SYNPR: variants seen among roughly 807,000 people sequenced by gnomAD.
The protein encoded by SYNPR is synaptoporin.
In SYNPR, 23 loss-of-function variants were observed where a neutral mutation model predicts 32.9. The observed-to-expected ratio is 0.70, with a 90% confidence interval of 0.50 to 0.99. The LOEUF (loss-of-function observed/expected upper bound fraction) is 0.99, where lower values mean the gene tolerates loss of function less well. Among genes scored for constraint, SYNPR ranks in the 50% least tolerant of loss-of-function variants. The probability of loss-of-function intolerance (pLI) is 0.00; values close to 1 mark genes in which losing one functional copy is unlikely to be tolerated. For missense variants in SYNPR, 318 were observed against 349.3 expected (o/e 0.91, Z 0.71); for synonymous variants, 146 against 135.9 (o/e 1.07, Z -0.52).
intron 4 of SYNPR, 73 bp from the exon 5 acceptor site, chr3:63,609,052 A>G: frequency 6.7e-7 from 1 of 1,490,070 alleles, no homozygotes. Flanking sequence ...CCAAATAGTT[A>G]TATAAACAAA....
chr3:63,537,799 T>C (rs1470242516), intron 3 of SYNPR, among the ~76,000 whole-genome samples: 1 of 152,140 alleles, frequency 6.6e-6, no homozygotes, highest in Non-Finnish European at 1.5e-5. Flanking sequence ...ATGTGAGCTT[T>C]TAAGTCAGTC....
Position 63,407,891 on chromosome 3 carries a change from T to C in SYNPR, c.85-72941T>C, listed in dbSNP as rs540837402. On this transcript the variant is annotated intron_variant, in intron 2 of 5. Coordinates refer to ENST00000478300, the MANE Select transcript of SYNPR (RefSeq NM_001130003.2). ...CCTGTCTTCTGAAGATTACAGTACC[T>C]TGAGACATTTGAAAGGAATTGGAAT... Among the ~76,000 whole-genome samples the C allele has an allele frequency of 6.6e-4, 100 of 151,936 alleles. 1 individual carries two copies. Among genetic ancestry groups the C allele is most frequent in the Non-Finnish European group, 9.6e-4 (65 of 67,996 alleles).
rs546098907 is a variant in SYNPR at position 63,347,684 on chromosome 3, G to A, written c.84+68942G>A. Among the ~76,000 whole-genome samples, 9 of 152,058 alleles carry A rather than the reference G, an allele frequency of 5.9e-5. No individual in the cohort carries two copies. The South Asian group carries it at 1.0e-3, about 18-fold the overall frequency. Reference sequence around the variant, plus strand: ...TCTGTTATTCCACATTCTATGTCCCGGTGTACACATCATATAGTTTCCAAT... The same window carrying A: ...TCTGTTATTCCACATTCTATGTCCCAGTGTACACATCATATAGTTTCCAAT... On this transcript the variant is annotated intron_variant, in intron 2 of 5. Transcript: ENST00000478300.
At chr3:63,299,840 T>C (rs1371060556) in intron 2 of SYNPR, among the ~76,000 whole-genome samples, 1 of 152,182 alleles carries the variant, frequency 6.6e-6, no homozygotes, top group Non-Finnish European at 1.5e-5. Flanking sequence ...GATAGTAGTT[T>C]CACAATAATT....
intron 3 of SYNPR, among the ~76,000 whole-genome samples, chr3:63,532,442 T>C (rs1301047686): frequency 5.9e-5 from 9 of 152,222 alleles, no homozygotes; most frequent in Non-Finnish European, 1.3e-4. Flanking sequence ...ATTCAGAGCA[T>C]CCTTTCTCTG....
intron 2 of SYNPR, among the ~76,000 whole-genome samples, chr3:63,283,810 C>CT (rs142282438): frequency 0.075 from 6,558 of 87,282 alleles, 251 homozygotes; most frequent in African/African-American, 0.095. Flanking sequence ...AGATAATTAC[C>CT]TTTTTTTTTT....
intron 2 of SYNPR, among the ~76,000 whole-genome samples, chr3:63,473,771 G>A (rs1700847923): frequency 1.3e-5 from 2 of 152,162 alleles, no homozygotes; most frequent in Non-Finnish European, 2.9e-5. Context: ...CAGCATGAAG[G>A]TCCTACAGCT....
At chr3:63,570,389 A>G (rs999606780) in intron 4 of SYNPR, among the ~76,000 whole-genome samples, 1 of 152,188 alleles carries the variant, frequency 6.6e-6, no homozygotes, top group Non-Finnish European at 1.5e-5. Flanking sequence ...CTCTCCTCAC[A>G]TCAGCATTCA....
chr3:63,352,312 A>G (rs997097530), intron 2 of SYNPR, among the ~76,000 whole-genome samples: 1 of 152,156 alleles, frequency 6.6e-6, no homozygotes. Flanking sequence ...CTCGAAGTGA[A>G]TAAAAGAATC....
chr3:63,262,918 G>A (rs1469517319), intron 2 of SYNPR, among the ~76,000 whole-genome samples: 4 of 152,156 alleles, frequency 2.6e-5, no homozygotes. Context: ...TTTTCTCTGG[G>A]TCTCCATTTG....
intron 2 of SYNPR, among the ~76,000 whole-genome samples, chr3:63,457,750 A>G (rs774549247): frequency 6.6e-6 from 1 of 152,124 alleles, no homozygotes; most frequent in Non-Finnish European, 1.5e-5. Context: ...AGCTCAAACC[A>G]TATTGTAGAC....
intron 4 of SYNPR, among the ~76,000 whole-genome samples, chr3:63,557,871 A>G (rs1179506046): frequency 6.6e-6 from 1 of 152,270 alleles, no homozygotes; most frequent in Non-Finnish European, 1.5e-5. Context: ...AAAAAAGTAT[A>G]TATTAACTGC....
chr3:63,594,317 A>G (rs1699895606), intron 4 of SYNPR, among the ~76,000 whole-genome samples: 1 of 152,166 alleles, frequency 6.6e-6, no homozygotes, highest in Non-Finnish European at 1.5e-5. Context: ...ATCTTTCTGA[A>G]TTTTGACTTT....
intron 1 of SYNPR, among the ~76,000 whole-genome samples, chr3:63,240,920 T>C (rs1303828335): frequency 6.6e-6 from 1 of 152,044 alleles, no homozygotes; most frequent in Non-Finnish European, 1.5e-5. Context: ...ATTCTCCCCA[T>C]TGACCACACC....
At chr3:63,413,268 A>T (rs2107120272) in intron 2 of SYNPR, among the ~76,000 whole-genome samples, 1 of 152,300 alleles carries the variant, frequency 6.6e-6, no homozygotes, top group South Asian at 2.1e-4. Context: ...GCTTTTTATC[A>T]TATTCCATGA....
chr3:63,409,123 T>G (rs1001670053), intron 2 of SYNPR, among the ~76,000 whole-genome samples: 3 of 152,124 alleles, frequency 2.0e-5, no homozygotes, highest in Non-Finnish European at 4.4e-5. Context: ...AAACCCTATA[T>G]CATTTGTTCA....
intron 2 of SYNPR, among the ~76,000 whole-genome samples, chr3:63,348,864 C>T (rs1207471941): frequency 4.6e-5 from 7 of 152,060 alleles, no homozygotes; most frequent in Non-Finnish European, 1.0e-4. Flanking sequence ...TTTCTGGGTT[C>T]TCTATTCTGT....
At chr3:63,341,479 T>C (rs562492934) in intron 2 of SYNPR, among the ~76,000 whole-genome samples, 4 of 152,356 alleles carry the variant, frequency 2.6e-5, no homozygotes, top group South Asian at 2.1e-4. Context: ...CATCAGTGAA[T>C]GACAGTTCCT....
At chr3:63,333,469 T>G (rs1281237346) in intron 2 of SYNPR, among the ~76,000 whole-genome samples, 1 of 152,044 alleles carries the variant, frequency 6.6e-6, no homozygotes, top group Non-Finnish European at 1.5e-5. Context: ...TAGGCTGGAG[T>G]GCAGTGAAGT....
Sources: allele counts gnomAD v4.1 joint callset (sites outside exome capture counted in the v4.1 genomes callset), GRCh38; gene constraint gnomAD v4.1.1; transcripts MANE v1.5; gene names NCBI Gene and HGNC (gene_info 2026-07-23, HGNC 2026-07-21).